The following NR2C2 variants were observed in gnomAD, a reference collection of about 807,000 sequenced individuals.
NR2C2 encodes nuclear receptor subfamily 2 group C member 2.
A neutral mutation model predicts 62.9 loss-of-function variants in NR2C2; 6 were observed. That is an observed-to-expected ratio of 0.10 (90% confidence interval 0.05 to 0.19). NR2C2 has a LOEUF of 0.19. Among genes scored for constraint, NR2C2 ranks in the 10% least tolerant of loss-of-function variants. The pLI, the probability that NR2C2 is intolerant of heterozygous loss-of-function variation, is 1.00. For missense variants in NR2C2, 479 were observed against 762.7 expected (o/e 0.63, Z 4.38); for synonymous variants, 272 against 273.8 (o/e 0.99, Z 0.07).
At chr3:14,982,100 A>G (rs2040386555) in intron 1 of NR2C2, among the ~76,000 whole-genome samples, 1 of 152,044 alleles carries the variant, frequency 6.6e-6, no homozygotes, top group Non-Finnish European at 1.5e-5. Flanking sequence ...TCAACATCAC[A>G]CTGTCGCCCA....
intron 4 of NR2C2, among the ~76,000 whole-genome samples, chr3:15,017,622 C>T (rs1225253617): frequency 6.6e-6 from 1 of 152,186 alleles, no homozygotes; most frequent in Middle Eastern, 3.2e-3. Flanking sequence ...TAGTCACAGG[C>T]TCTTGGTGCC....
At chr3:14,999,430 G>T (rs777484256) in intron 1 of NR2C2, among the ~76,000 whole-genome samples, 25 of 152,176 alleles carry the variant, frequency 1.6e-4, no homozygotes, top group Non-Finnish European at 2.9e-4. Flanking sequence ...GGATGAGGCT[G>T]CAGTGAACCA....
chr3:14,948,259 C>T (rs2039200995), intron 1 of NR2C2: 1 of 152,616 alleles, frequency 6.6e-6, no homozygotes, highest in South Asian at 2.1e-4. Context: ...TCCTTATCCT[C>T]CTCCTCCTCC....
chr3:14,955,053 A>ACTC (rs2039482480), intron 1 of NR2C2, among the ~76,000 whole-genome samples: 1 of 151,138 alleles, frequency 6.6e-6, no homozygotes, highest in South Asian at 2.1e-4. Context: ...CTGGTCTTGA[A>ACTC]CTCCTGAGCT....
At chr3:15,031,058 A>G (rs2041966576) in intron 9 of NR2C2, among the ~76,000 whole-genome samples, 2 of 152,160 alleles carry the variant, frequency 1.3e-5, no homozygotes, top group Admixed American at 6.5e-5. Context: ...TGAGGGCTGA[A>G]TGCTCTGCCT....
chr3:15,048,078 C>T lies in NR2C2; in HGVS notation c.*5070C>T, dbSNP rs2042519271. On this transcript the variant is annotated 3_prime_UTR_variant, in exon 14 of 14. Transcript: ENST00000425241. ...GAATCACTAGATTGCTGCAAAAACT[C>T]ACATAATCCACAGTTTCCTCTTTTT... 6.6e-6 allele frequency: 1 copy of T among 152,646 alleles called. No individual in the cohort carries two copies. Among genetic ancestry groups the T allele is most frequent in the Middle Eastern group, 3.2e-3 (1 of 316 alleles). 9.5% of individuals were successfully genotyped at this position (152,646 alleles called of 1,614,324 possible).
At position 15,043,604 on chromosome 3, in the gene NR2C2, T is replaced by C. The variant is rs1393465693; in HGVS notation, c.*596T>C. 6.5e-6 allele frequency: 1 copy of C among 152,708 alleles called. No homozygotes were observed. Among genetic ancestry groups the C allele is most frequent in the Non-Finnish European group, 1.5e-5 (1 of 68,062 alleles). 9.5% of individuals were successfully genotyped at this position (152,708 alleles called of 1,614,324 possible). ...GGCATCATTCCTAATTGTGTGCACA[T>C]GTTGTGGAGTTGAGCTGAATTCTGT... On this transcript the variant is annotated 3_prime_UTR_variant, in exon 14 of 14. Coordinates refer to ENST00000425241, the MANE Select transcript of NR2C2 (RefSeq NM_001291694.2).
chr3:15,014,470 ATT>A (rs11341102), intron 3 of NR2C2, among the ~76,000 whole-genome samples: 9 of 149,284 alleles, frequency 6.0e-5, no homozygotes, highest in Non-Finnish European at 1.2e-4. Flanking sequence ...GTTGTGTTTC[ATT>A]TTTTTTTTTA....
chr3:14,991,737 A>G (rs972851803), intron 1 of NR2C2, among the ~76,000 whole-genome samples: 4 of 150,164 alleles, frequency 2.7e-5, no homozygotes, highest in African/African-American at 9.8e-5. Flanking sequence ...TCTCTTTTTT[A>G]ATCCCTTTTT....
At chr3:14,953,842 C>T (rs564089545) in intron 1 of NR2C2, among the ~76,000 whole-genome samples, 1 of 151,138 alleles carries the variant, frequency 6.6e-6, no homozygotes, top group East Asian at 1.9e-4. Context: ...CTGCAGTGAA[C>T]CAAGATCACG....
chr3:15,024,613 C>G (rs1169707377), intron 7 of NR2C2, among the ~76,000 whole-genome samples: 1 of 152,220 alleles, frequency 6.6e-6, no homozygotes, highest in Non-Finnish European at 1.5e-5. Flanking sequence ...AGCCAGGAAT[C>G]TATCAGTTCC....
intron 2 of NR2C2, chr3:15,004,513 T>A: frequency 6.4e-7 from 1 of 1,569,948 alleles, no homozygotes; most frequent in Non-Finnish European, 8.7e-7. Context: ...CTAATATTGT[T>A]ATTAACTAAT....
intron 5 of NR2C2, 28 bp downstream of exon 5, chr3:15,020,960 G>C (rs749648605): frequency 6.3e-7 from 1 of 1,593,070 alleles, no homozygotes; most frequent in South Asian, 1.1e-5. Context: ...AAAACCACAT[G>C]AGTTAATGTG....
chr3:15,024,271 A>C, intron 7 of NR2C2, 63 bp downstream of exon 7: 1 of 1,113,822 alleles, frequency 9.0e-7, no homozygotes, highest in Non-Finnish European at 1.3e-6. Context: ...TGCTTCTCTA[A>C]CTGTGTGCAC....
At chr3:14,963,678 G>C (rs1227970628) in intron 1 of NR2C2, among the ~76,000 whole-genome samples, 1 of 152,096 alleles carries the variant, frequency 6.6e-6, no homozygotes, top group Non-Finnish European at 1.5e-5. Context: ...CACTGTGTTA[G>C]CCAGGATGGT....
At chr3:14,974,991 T>C (rs1441926466) in intron 1 of NR2C2, among the ~76,000 whole-genome samples, 1 of 152,218 alleles carries the variant, frequency 6.6e-6, no homozygotes, top group Non-Finnish European at 1.5e-5. Flanking sequence ...TTTTATTCTT[T>C]TTTATGGTAT....
At chr3:15,000,129 C>T (rs1455083608) in intron 1 of NR2C2, among the ~76,000 whole-genome samples, 1 of 152,060 alleles carries the variant, frequency 6.6e-6, no homozygotes, top group Non-Finnish European at 1.5e-5. Context: ...AAAAGTATTC[C>T]TCCTAAGATT....
At chr3:14,971,115 TTTTTTTA>T (rs2040021755) in intron 1 of NR2C2, among the ~76,000 whole-genome samples, 1 of 152,180 alleles carries the variant, frequency 6.6e-6, no homozygotes, top group Non-Finnish European at 1.5e-5. Flanking sequence ...ATTAAATGCA[TTTTTTTA>T]TTTTTTATTT....
At chr3:15,038,266 A>G (rs935064383) in intron 12 of NR2C2, 129 bp downstream of exon 12, 12 of 972,700 alleles carry the variant, frequency 1.2e-5, no homozygotes, top group Non-Finnish European at 1.8e-5. Context: ...TGTTCTTATG[A>G]TAGGTGTTTT....
Sources: allele counts gnomAD v4.1 joint callset (sites outside exome capture counted in the v4.1 genomes callset), GRCh38; gene constraint gnomAD v4.1.1; transcripts MANE v1.5; gene names NCBI Gene and HGNC (gene_info 2026-07-23, HGNC 2026-07-21).